Variants in SYT1 observed in about 807,000 individuals in gnomAD.
SYT1 encodes synaptotagmin-1.
SYT1 carries 8 observed loss-of-function variants against 44.8 expected under a neutral mutation model. The observed-to-expected ratio is 0.18, with a 90% confidence interval of 0.10 to 0.32. SYT1 has a LOEUF of 0.32. SYT1 is among the 10% of genes least tolerant of loss of function. The pLI is 1.00. For missense variants in SYT1, 286 were observed against 509.3 expected (o/e 0.56, Z 4.22); for synonymous variants, 154 against 188.8 (o/e 0.82, Z 1.51).
chr12:79,287,912 C>G (rs1394228590), intron 5 of SYT1, among the ~76,000 whole-genome samples: 3 of 152,088 alleles, frequency 2.0e-5, no homozygotes, highest in Admixed American at 1.3e-4. Flanking sequence ...TTATACTAAT[C>G]TGTTATTGCA....
chr12:78,924,857 T>G (rs1855235492), intron 1 of SYT1, among the ~76,000 whole-genome samples: 1 of 151,562 alleles, frequency 6.6e-6, no homozygotes, highest in Non-Finnish European at 1.5e-5. Flanking sequence ...GTAATTTTCC[T>G]AAAATTCCTT....
At chr12:79,002,824 A>G (rs1486354626) in intron 2 of SYT1, among the ~76,000 whole-genome samples, 1 of 152,066 alleles carries the variant, frequency 6.6e-6, no homozygotes, top group Non-Finnish European at 1.5e-5. Flanking sequence ...TTTGTTTGGA[A>G]ATGATTTTAT....
chr12:79,210,552 T>C (rs1348629611), intron 3 of SYT1, among the ~76,000 whole-genome samples: 1 of 152,234 alleles, frequency 6.6e-6, no homozygotes, highest in Non-Finnish European at 1.5e-5. Flanking sequence ...TCTAATCTCA[T>C]CCAGGTTGCT....
At chr12:79,126,462 T>C (rs1378256658) in intron 3 of SYT1, among the ~76,000 whole-genome samples, 5 of 152,166 alleles carry the variant, frequency 3.3e-5, no homozygotes, top group Admixed American at 2.0e-4. Context: ...GATTTCACCA[T>C]GTTGGCCAGG....
chr12:79,204,023 C>G (rs1231411293), intron 3 of SYT1, among the ~76,000 whole-genome samples: 1 of 152,180 alleles, frequency 6.6e-6, no homozygotes, highest in East Asian at 1.9e-4. Context: ...GGCAGACTTC[C>G]ATGGACTCAG....
At chr12:79,309,653 A>G (rs1231872903) in intron 8 of SYT1, among the ~76,000 whole-genome samples, 1 of 152,226 alleles carries the variant, frequency 6.6e-6, no homozygotes, top group Non-Finnish European at 1.5e-5. Flanking sequence ...GTAAATGTTG[A>G]ATTCTAGGCT....
At chr12:78,968,946 T>C (rs553495219) in intron 1 of SYT1, among the ~76,000 whole-genome samples, 22 of 152,242 alleles carry the variant, frequency 1.4e-4, no homozygotes, top group South Asian at 6.2e-4. Flanking sequence ...AATGAACAAG[T>C]AAACAAATTC....
chr12:79,083,386 T>TTAG (rs1041008332), intron 3 of SYT1, among the ~76,000 whole-genome samples: 1 of 152,142 alleles, frequency 6.6e-6, no homozygotes, highest in African/African-American at 2.4e-5. Context: ...CTCAGCAGTT[T>TTAG]TAGTAGATGA....
intron 3 of SYT1, among the ~76,000 whole-genome samples, chr12:79,063,666 A>G (rs766191679): frequency 2.0e-5 from 3 of 152,158 alleles, no homozygotes; most frequent in Non-Finnish European, 2.9e-5. Flanking sequence ...TCCAAAACCC[A>G]ATGGCATCAA....
At chr12:78,959,018 A>G (rs1445432739) in intron 1 of SYT1, among the ~76,000 whole-genome samples, 2 of 152,154 alleles carry the variant, frequency 1.3e-5, no homozygotes, top group African/African-American at 2.4e-5. Context: ...AAAGCTGTCA[A>G]TATCTACAAA....
rs1020793400 is a variant in SYT1, at chr12:79,219,301, T to C, written c.166+1616T>C. ...CAAATATTTTCTCCCCTTCTGTAGA[T>C]TGCCCCTTTATTTTGTTGATTGTTT... On this transcript the variant is annotated intron_variant, in intron 4 of 10. Coordinates refer to ENST00000261205, the MANE Select transcript of SYT1 (RefSeq NM_005639.3). 3.9e-5 allele frequency among the ~76,000 whole-genome samples: 6 copies of C among 152,114 alleles called. 1 individual carries two copies. The highest frequency in any genetic ancestry group is 1.4e-4 in the African/African-American group (6 of 41,444).
intron 2 of SYT1, among the ~76,000 whole-genome samples, chr12:79,042,977 T>C: frequency 6.7e-6 from 1 of 148,808 alleles, no homozygotes; most frequent in African/African-American, 2.5e-5. Flanking sequence ...TTGATTGCAC[T>C]GTGGTCTGAG....
intron 1 of SYT1, among the ~76,000 whole-genome samples, chr12:78,942,518 C>A (rs1878431967): frequency 6.6e-6 from 1 of 152,170 alleles, no homozygotes; most frequent in Non-Finnish European, 1.5e-5. Context: ...CATTCCATGA[C>A]CTTTCCATGT....
chr12:78,952,966 C>A (rs1879040569), intron 1 of SYT1, among the ~76,000 whole-genome samples: 1 of 151,970 alleles, frequency 6.6e-6, no homozygotes, highest in Non-Finnish European at 1.5e-5. Flanking sequence ...AATGAGAAAA[C>A]CAAGAGGGCA....
chr12:79,291,552 G>A (rs113207523), intron 5 of SYT1, among the ~76,000 whole-genome samples: 8 of 152,210 alleles, frequency 5.3e-5, no homozygotes, highest in African/African-American at 1.9e-4. Context: ...TAGGAAATAA[G>A]GCAACAAAAG....
chr12:79,384,887 C>A (rs1884370766), intron 9 of SYT1, among the ~76,000 whole-genome samples: 1 of 152,022 alleles, frequency 6.6e-6, no homozygotes, highest in African/African-American at 2.4e-5. Flanking sequence ...GTGTTTAATA[C>A]CCAAATCTTT....
chr12:79,356,350 C>T (rs554241342), intron 9 of SYT1, among the ~76,000 whole-genome samples: 1 of 152,068 alleles, frequency 6.6e-6, no homozygotes, highest in South Asian at 2.1e-4. Flanking sequence ...CATCATGCTT[C>T]TCTCTCACTA....
Position 78,938,189 on chromosome 12 carries a change from C to T in SYT1, c.-216-39610C>T, listed in dbSNP as rs149661159. 6.5e-3 allele frequency among the ~76,000 whole-genome samples: 987 copies of T among 152,278 alleles called. 7 individuals carry two copies. Among genetic ancestry groups the T allele is most frequent in the Non-Finnish European group, 0.012 (805 of 67,998 alleles). ...AGGGTCCCTCCTCTCCCTTTCCACC[C>T]TTTTCCTTCTATTTCTTTCTCTTTT... On this transcript the variant is annotated intron_variant, in intron 1 of 10. Coordinates refer to ENST00000261205, the MANE Select transcript of SYT1 (RefSeq NM_005639.3).
At chr12:79,397,075 AG>A (rs1884898065) in intron 9 of SYT1, among the ~76,000 whole-genome samples, 1 of 152,216 alleles carries the variant, frequency 6.6e-6, no homozygotes, top group South Asian at 2.1e-4. Flanking sequence ...AGGAATATCC[AG>A]GAAGCTGGAA....
Sources: gnomAD v4.1 joint callset for allele counts (sites outside exome capture counted in the v4.1 genomes callset) on GRCh38, gnomAD v4.1.1 for gene constraint, MANE v1.5 for transcripts, NCBI Gene and HGNC (gene_info 2026-07-23, HGNC 2026-07-21) for gene names.